SLTM: variants seen among roughly 807,000 people sequenced by gnomAD.
The protein encoded by SLTM is SAFB-like transcription modulator.
SLTM carries 43 observed loss-of-function variants against 134.6 expected under a neutral mutation model. The observed-to-expected ratio is 0.32, with a 90% CI of 0.25 to 0.41. The LOEUF (loss-of-function observed/expected upper bound fraction) is 0.41, where lower values mean the gene tolerates loss of function less well. Ranked by LOEUF, SLTM falls within the 10% of genes least tolerant of loss-of-function variation. The pLI is 1.00. For synonymous variants in SLTM, 424 were observed against 432.3 expected, an observed-to-expected ratio of 0.98 and a Z score of 0.24; for missense variants, 1,055 against 1,288.8, an observed-to-expected ratio of 0.82 and a Z score of 2.78.
At position 58,902,398 on chromosome 15, in the gene SLTM, T is replaced by TC. The variant is rs571369647; in HGVS notation, c.562-1112_562-1111insG. 1.2e-4 allele frequency among the ~76,000 whole-genome samples: 18 copies of TC among 151,296 alleles called. No individual in the cohort carries two copies. In the East Asian group the frequency reaches 2.1e-3, roughly 18 times the overall value. ...AAGAAATGTTTTGATTGTTTTTTTT[T>TC]TTTTTTAAACAGGTTCCTTACTCTG... On this transcript the variant is annotated intron_variant, in intron 5 of 20. Transcript: ENST00000380516.
intron 1 of SLTM, among the ~76,000 whole-genome samples, 192 bp downstream of exon 1, chr15:58,933,212 G>A (rs2038011772): frequency 6.6e-6 from 1 of 151,758 alleles, no homozygotes; most frequent in African/African-American, 2.4e-5. Context: ...GGCCCGGCCC[G>A]GGGCGCGGGG....
chr15:58,931,727 C>T (rs1180327143), intron 2 of SLTM, among the ~76,000 whole-genome samples: 4 of 152,134 alleles, frequency 2.6e-5, no homozygotes. Context: ...ATCATTATAT[C>T]CTAGAAATAA....
intron 5 of SLTM, 29 bp downstream of exon 5, chr15:58,912,534 C>T (rs762186393): frequency 6.3e-6 from 10 of 1,595,120 alleles, no homozygotes; most frequent in East Asian, 2.2e-5. Context: ...CCCACAATAT[C>T]GAATTCATAG....
intron 2 of SLTM, among the ~76,000 whole-genome samples, chr15:58,927,505 AG>A (rs1262618540): frequency 1.3e-5 from 2 of 152,188 alleles, no homozygotes; most frequent in African/African-American, 4.8e-5. Flanking sequence ...TCCTGACATC[AG>A]GTGATCCGCC....
intron 5 of SLTM, among the ~76,000 whole-genome samples, chr15:58,902,013 A>G (rs543278931): frequency 6.0e-4 from 92 of 152,334 alleles, no homozygotes; most frequent in Admixed American, 1.5e-3. Flanking sequence ...TATGACTTTA[A>G]TTTTAACATA....
chr15:58,933,364 T>G lies in SLTM; in HGVS notation c.162+40A>C, dbSNP rs764959877. 9.1e-6 allele frequency: 14 copies of G among 1,541,794 alleles called. No individual in the cohort carries two copies. The East Asian group carries it at 3.1e-4, about 34-fold the overall frequency. On this transcript the variant is annotated intron_variant, in intron 1 of 20. Transcript: ENST00000380516. ...GCGGGGCGCCGAGGCGCGGCCTAAG[T>G]TCCCCTTCCCGGTCCTTTCCGGTCC...
Position 58,913,584 on chromosome 15 carries a change from A to G in SLTM, c.428T>C (p.Leu143Pro), listed in dbSNP as rs1276618220. ...EEENVHSKELLSAEENKRAHE... is the reference protein window; with the variant it reads ...EEENVHSKELPSAEENKRAHE... Reference sequence around the variant, plus strand: ...AGCTCTCTTGTTTTCTTCTGCAGAGAGTAACTCCTTGGAATGCACATTTTC... The same window carrying G: ...AGCTCTCTTGTTTTCTTCTGCAGAGGGTAACTCCTTGGAATGCACATTTTC... The change falls in exon 4 of 21, where the codon CTC (leucine) becomes CCC (proline). Residue 143 changes from leucine to proline, a missense_variant. Coordinates refer to ENST00000380516, the MANE Select transcript of SLTM (RefSeq NM_024755.4). 4 of 1,613,400 alleles carry G rather than the reference A, an allele frequency of 2.5e-6. No individual in the cohort carries two copies. The highest frequency in any genetic ancestry group is 3.4e-6 in the Non-Finnish European group (4 of 1,179,820).
chr15:58,918,709 A>T (rs2036816477), intron 2 of SLTM, among the ~76,000 whole-genome samples: 1 of 152,188 alleles, frequency 6.6e-6, no homozygotes, highest in Non-Finnish European at 1.5e-5. Flanking sequence ...CCCTTTGTAG[A>T]TTAATGCTTT....
chr15:58,932,322 T>C (rs561290510), intron 2 of SLTM, 34 bp downstream of exon 2: 4 of 1,532,398 alleles, frequency 2.6e-6, no homozygotes, highest in South Asian at 1.1e-5. Context: ...ATAACCAAAA[T>C]ATATTTTAAA....
At chr15:58,913,455 C>T (rs753109567) in intron 4 of SLTM, 44 bp downstream of exon 4, 21 of 1,460,466 alleles carry the variant, frequency 1.4e-5, no homozygotes, top group Non-Finnish European at 1.9e-5. Flanking sequence ...TTATTTAAAA[C>T]TTAATTTATC....
intron 5 of SLTM, 97 bp downstream of exon 5, chr15:58,912,466 G>A: frequency 1.9e-6 from 2 of 1,064,176 alleles, no homozygotes; most frequent in Non-Finnish European, 2.9e-6. Context: ...ATTTAAGACA[G>A]TTATATGAAT....
At chr15:58,904,337 A>G (rs1217863009) in intron 5 of SLTM, among the ~76,000 whole-genome samples, 1 of 152,078 alleles carries the variant, frequency 6.6e-6, no homozygotes, top group Non-Finnish European at 1.5e-5. Flanking sequence ...AAGTCATTTT[A>G]TTAATAAATG....
chr15:58,921,909 G>A (rs1242636492), intron 2 of SLTM, among the ~76,000 whole-genome samples: 1 of 152,000 alleles, frequency 6.6e-6, no homozygotes, highest in Non-Finnish European at 1.5e-5. Flanking sequence ...ACAAGGAGCT[G>A]GGATTACAGG....
chr15:58,921,521 C>G (rs1424012113), intron 2 of SLTM: 8 of 425,354 alleles, frequency 1.9e-5, no homozygotes, highest in Non-Finnish European at 3.8e-5. Context: ...TTTGCTGTCC[C>G]ATACTGTTTC....
chr15:58,888,472 C>A lies in SLTM; in HGVS notation c.2288G>T (p.Arg763Leu). 6.2e-7 allele frequency: 1 copy of A among 1,613,768 alleles called. No homozygotes were observed. Among genetic ancestry groups the A allele is most frequent in the Non-Finnish European group, 8.5e-7 (1 of 1,179,914 alleles). Reference protein sequence around the residue: ...ARFGHGSDYSRQQNRFNDFDH... With the variant: ...ARFGHGSDYSLQQNRFNDFDH... The stretch of plus-strand genomic sequence containing the variant: ...AAAGTCATTAAATCTGTTCTGTTGG[C>A]GAGAGTAGTCGGATCCATGGCCAAA... Residue 763 changes from arginine to leucine, a missense_variant, in exon 17 of 21, where the codon CGC becomes CTC. Arg to Leu is a moderately radical substitution (Grantham distance 102, BLOSUM62 -2). Coordinates refer to ENST00000380516, the MANE Select transcript of SLTM (RefSeq NM_024755.4).
At chr15:58,905,495 G>A (rs565039264) in intron 5 of SLTM, among the ~76,000 whole-genome samples, 1 of 152,040 alleles carries the variant, frequency 6.6e-6, no homozygotes, top group East Asian at 1.9e-4. Context: ...TTGAGGCCAC[G>A]AGTTTGAGAC....
chr15:58,882,840 T>C (rs1365429351), intron 20 of SLTM, among the ~76,000 whole-genome samples: 2 of 152,252 alleles, frequency 1.3e-5, no homozygotes, highest in African/African-American at 4.8e-5. Flanking sequence ...CCGACCTCAG[T>C]GTGAAGAGAA....
intron 17 of SLTM, among the ~76,000 whole-genome samples, chr15:58,888,178 T>A (rs571336410): frequency 6.6e-6 from 1 of 152,162 alleles, no homozygotes; most frequent in East Asian, 1.9e-4. Flanking sequence ...AGAATAAAGA[T>A]AAGAAGATAA....
At chr15:58,889,677 C>A (rs1351258620) in intron 15 of SLTM, 123 bp from the exon 16 acceptor site, 5 of 1,179,486 alleles carry the variant, frequency 4.2e-6, no homozygotes, top group South Asian at 3.1e-5. Flanking sequence ...AGGCAAAACA[C>A]AAACCTATGA....
Sources: allele counts gnomAD v4.1 joint callset (sites outside exome capture counted in the v4.1 genomes callset), GRCh38; gene constraint gnomAD v4.1.1; transcripts MANE v1.5; gene names NCBI Gene and HGNC (gene_info 2026-07-23, HGNC 2026-07-21).